Variants in TMEM95 observed in about 807,000 individuals in gnomAD.
The protein encoded by TMEM95 is transmembrane protein 95.
In TMEM95, 21 loss-of-function variants were observed where a neutral mutation model predicts 27.7. The ratio of observed to expected loss-of-function variants is 0.76; its 90% CI spans 0.54 to 1.09. The LOEUF (loss-of-function observed/expected upper bound fraction) is 1.09. Among genes scored for constraint, TMEM95 ranks in the 50% least tolerant of loss-of-function variants. TMEM95 has a pLI of 0.00. For synonymous variants in TMEM95, 77 were observed against 85.7 expected (o/e 0.90, Z 0.56); for missense variants, 203 against 217.9 (o/e 0.93, Z 0.43).
In TMEM95 at chr17:7,355,886, G is replaced by C. The variant is rs79041177; in HGVS notation, c.275G>C (p.Arg92Pro). ...SSLPSYWSWL[R>P]KTKLPEYTRE... ...CTCCCTTCATATTGGAGTTGGCTTC[G>C]AAAGACCAAGCTCCCTGAGTACACC... Residue 92 changes from arginine to proline, a missense_variant, in exon 3 of 7, where the codon CGA becomes CCA. Arg to Pro is a moderately radical substitution (Grantham distance 103). Transcript: ENST00000576060. This position sits in a 1 kb window ranked among gnomAD's most constrained non-coding sequence, Gnocchi z 4.9. 3,561 of 1,613,996 alleles carry C rather than the reference G, an allele frequency of 2.2e-3. 9 individuals carry two copies. The highest frequency in any genetic ancestry group is 2.7e-3 in the Non-Finnish European group (3,195 of 1,179,974).
rs779976704 is a variant in TMEM95, at chr17:7,356,252, T to C, written c.385T>C (p.Trp129Arg). 1.3e-6 allele frequency: 2 copies of C among 1,572,166 alleles called. No homozygotes were observed. Among genetic ancestry groups the C allele is most frequent in the Admixed American group, 3.6e-5 (2 of 56,006 alleles). Residue 129 changes from tryptophan (W) to arginine (R), a missense_variant, in exon 5 of 7, where the codon TGG becomes CGG. Physicochemically the swap from Trp to Arg is moderately radical, Grantham distance 101 (BLOSUM62 -3). Coordinates refer to ENST00000576060, the MANE Select transcript of TMEM95 (RefSeq NM_001320436.2). Reference protein sequence around the residue: ...STCKGTEVSCWPRKRCFPGSQ... With the variant: ...STCKGTEVSCRPRKRCFPGSQ... ...CTGCAAGGGGACGGAGGTGTCCTGC[T>C]GGCCCCGAAAGCGCTGCTTCCCAGG...
chr17:7,355,425 C>T lies in TMEM95; in HGVS notation c.169+52C>T. 1 of 1,580,962 alleles carries T rather than the reference C, an allele frequency of 6.3e-7. No individual in the cohort carries two copies. Among genetic ancestry groups the T allele is most frequent in the Non-Finnish European group, 8.6e-7 (1 of 1,160,504 alleles). The stretch of plus-strand genomic sequence containing the variant: ...CCAGCAAGCACTCACCCCCCTACCC[C>T]CAGAGGGTGGCATGTGACCTTCCAG... On this transcript the variant is annotated intron_variant, in intron 1 of 6. Coordinates refer to ENST00000576060, the MANE Select transcript of TMEM95 (RefSeq NM_001320436.2). The surrounding 1 kb of genome is among the most constrained non-coding windows in gnomAD (Gnocchi z 4.9).
rs372855516 is a variant in TMEM95, at chr17:7,356,293, T to C, written c.409+17T>C. 1,803 of 1,590,096 alleles carry C rather than the reference T, an allele frequency of 1.1e-3. 15 individuals are homozygous for C. Among genetic ancestry groups the C allele is most frequent in the South Asian group, 0.01 (894 of 88,718 alleles). On this transcript the variant is annotated intron_variant, in intron 5 of 6. Coordinates refer to ENST00000576060, the MANE Select transcript of TMEM95 (RefSeq NM_001320436.2). The stretch of plus-strand genomic sequence containing the variant: ...GCTTCCCAGGTCCTCACGCCCATCT[T>C]GGCCCCGCCCCACCTTGCCCAGATC...
In TMEM95 at chr17:7,355,292, C is replaced by T. The variant is rs575727765; in HGVS notation, c.88C>T (p.Arg30Cys). The change falls in exon 1 of 7, where the codon CGC becomes TGC. Residue 30 changes from arginine to cysteine, a missense_variant. Physicochemically the swap from Arg to Cys is radical, Grantham distance 180. Transcript: ENST00000576060. This position sits in a 1 kb window ranked among gnomAD's most constrained non-coding sequence, Gnocchi z 4.9. ...CCTCCCAGCCCACGACTTGTCAGGC[C>T]GCCTGGCTCGGCTCTGCAGCCAGAT... Reference protein sequence around the residue: ...CRLPAHDLSGRLARLCSQMEA... With the variant: ...CRLPAHDLSGCLARLCSQMEA... 210 of 1,614,070 alleles carry T rather than the reference C, an allele frequency of 1.3e-4. 1 individual carries two copies. Among genetic ancestry groups the T allele is most frequent in the South Asian group, 7.5e-4 (68 of 91,090 alleles).
chr17:7,355,796 C>T lies in TMEM95; in HGVS notation c.227-42C>T, dbSNP rs781489382. The T allele has an allele frequency of 1.7e-5, 28 of 1,600,610 alleles. No homozygotes were observed. The highest frequency in any genetic ancestry group is 1.7e-4 in the Middle Eastern group (1 of 5,900). ...GCGTGAAGAGAGGGGGAACTGGCCC[C>T]GTCGAGGCCCAGGGAAACGGAGCTG... is the stretch of plus-strand genomic sequence containing the variant. On this transcript the variant is annotated intron_variant, in intron 2 of 6. Coordinates refer to ENST00000576060, the MANE Select transcript of TMEM95 (RefSeq NM_001320436.2). The surrounding 1 kb of genome is among the most constrained non-coding windows in gnomAD (Gnocchi z 4.9).
chr17:7,355,871 A>G lies in TMEM95; in HGVS notation c.260A>G (p.Tyr87Cys), dbSNP rs1175881302. ...GAGGCTGTCTCCTCACTCCCTTCAT[A>G]TTGGAGTTGGCTTCGAAAGACCAAG... ...IKEAVSSLPS[Y>C]WSWLRKTKLP... The change falls in exon 3 of 7, where the codon TAT becomes TGT. Residue 87 changes from tyrosine (Y) to cysteine (C), a missense_variant. By Grantham distance (194) the Tyr-to-Cys change is radical. Coordinates refer to ENST00000576060, the MANE Select transcript of TMEM95 (RefSeq NM_001320436.2). This position sits in a 1 kb window ranked among gnomAD's most constrained non-coding sequence, Gnocchi z 4.9. 2.5e-6 allele frequency: 4 copies of G among 1,613,884 alleles called. No individual in the cohort carries two copies. Among genetic ancestry groups the G allele is most frequent in the East Asian group, 4.5e-5 (2 of 44,856 alleles).
At position 7,356,618 on chromosome 17, in the gene TMEM95, A is replaced by G; in HGVS notation, c.517A>G (p.Lys173Glu). Residue 173 changes from lysine to glutamate, a missense_variant, in exon 7 of 7, where the codon AAA becomes GAA. Transcript: ENST00000576060. The part of the protein sequence containing the change: ...LLVESHHLQA[K>E]SGL ...CCTCAGGTCCCACCACCTCCAAGCA[A>G]AAAGTGGCTTGTGAAGACGCTGAAA... The G allele has an allele frequency of 3.7e-6, 6 of 1,612,086 alleles. No homozygotes were observed. The highest frequency in any genetic ancestry group is 5.1e-6 in the Non-Finnish European group (6 of 1,179,034).
chr17:7,356,661 T>G lies in TMEM95; in HGVS notation c.*29T>G, dbSNP rs1219064968. On this transcript the variant is annotated 3_prime_UTR_variant, in exon 7 of 7. Coordinates refer to ENST00000576060, the MANE Select transcript of TMEM95 (RefSeq NM_001320436.2). ...CGCTGAAAACCTCCCAGCCTCCAGC[T>G]CTAAGGGGTATGCACTCACAACTTC... The G allele has an allele frequency of 6.2e-7, 1 of 1,611,556 alleles. No individual in the cohort carries two copies. The highest frequency in any genetic ancestry group is 1.1e-5 in the South Asian group (1 of 90,896).
At chr17:7,356,118 T>C in intron 4 of TMEM95, 69 bp downstream of exon 4, 1 of 1,610,272 alleles carries the variant, frequency 6.2e-7, no homozygotes, top group Non-Finnish European at 8.5e-7. Flanking sequence ...GCCTGGCAGC[T>C]GCAGGAGGAA....
At position 7,355,434 on chromosome 17, in the gene TMEM95, G is replaced by A; in HGVS notation, c.169+61G>A. ...ACTCACCCCCCTACCCCCAGAGGGT[G>A]GCATGTGACCTTCCAGCTGTGCCCT... On this transcript the variant is annotated intron_variant, in intron 1 of 6. Coordinates refer to ENST00000576060, the MANE Select transcript of TMEM95 (RefSeq NM_001320436.2). This position sits in a 1 kb window ranked among gnomAD's most constrained non-coding sequence, Gnocchi z 4.9. 6.3e-7 allele frequency: 1 copy of A among 1,576,846 alleles called. No individual in the cohort carries two copies. Among genetic ancestry groups the A allele is most frequent in the Non-Finnish European group, 8.6e-7 (1 of 1,159,248 alleles).
Position 7,355,170 on chromosome 17 carries a change from C to A in TMEM95, c.-35C>A. On this transcript the variant is annotated 5_prime_UTR_variant, in exon 1 of 7. In the 5' UTR this introduces an upstream ATG that the reference lacks. Coordinates refer to ENST00000576060, the MANE Select transcript of TMEM95 (RefSeq NM_001320436.2). The surrounding 1 kb of genome is among the most constrained non-coding windows in gnomAD (Gnocchi z 4.9). ...GGCTGCAGAGCATTCCTCGGCTCAG[C>A]TGGGGCAGCGCCGCCCCATCCCCCA... 1.3e-6 allele frequency: 2 copies of A among 1,597,394 alleles called. No individual in the cohort carries two copies. Among genetic ancestry groups the A allele is most frequent in the Non-Finnish European group, 8.5e-7 (1 of 1,173,154 alleles).
chr17:7,356,515 C>T, intron 6 of TMEM95, 36 bp downstream of exon 6: 2 of 1,612,306 alleles, frequency 1.2e-6, no homozygotes, highest in South Asian at 2.2e-5. Context: ...TCCTACCCCG[C>T]CCAGTGCCTT....
In TMEM95 at chr17:7,355,681, G is replaced by A; in HGVS notation, c.226+39G>A. 6.5e-7 allele frequency: 1 copy of A among 1,530,332 alleles called. No individual in the cohort carries two copies. Among genetic ancestry groups the A allele is most frequent in the Non-Finnish European group, 8.9e-7 (1 of 1,118,766 alleles). 94.8% of individuals were successfully genotyped at this position (1,530,332 alleles called of 1,614,324 possible). On this transcript the variant is annotated intron_variant, in intron 2 of 6. Coordinates refer to ENST00000576060, the MANE Select transcript of TMEM95 (RefSeq NM_001320436.2). This position sits in a 1 kb window ranked among gnomAD's most constrained non-coding sequence, Gnocchi z 4.9. Reference sequence around the variant, plus strand: ...GAAAGAGTGACCTAGGGGCTTGGGAGGATACCAAGGAGAGGGACGGGTGAC... The same window carrying A: ...GAAAGAGTGACCTAGGGGCTTGGGAAGATACCAAGGAGAGGGACGGGTGAC...
chr17:7,355,219 A>C lies in TMEM95; in HGVS notation c.15A>C (p.Ala5=). ...CAGTGGTCCTCATGTGGAGGCTGGC[A>C]CTAGGCGGGGTTTTCCTGGCAGCCG... is the stretch of plus-strand genomic sequence containing the variant. MWRL[A]LGGVFLAAAQ... Residue 5 remains alanine (A), a synonymous_variant, in exon 1 of 7, where the codon GCA becomes GCC. Transcript: ENST00000576060. This position sits in a 1 kb window ranked among gnomAD's most constrained non-coding sequence, Gnocchi z 4.9. 6.2e-7 allele frequency: 1 copy of C among 1,613,282 alleles called. No homozygotes were observed. Among genetic ancestry groups the C allele is most frequent in the Non-Finnish European group, 8.5e-7 (1 of 1,179,744 alleles).
At position 7,356,611 on chromosome 17, in the gene TMEM95, C is replaced by G. The variant is rs767273859; in HGVS notation, c.510C>G (p.Leu170=). 6.2e-7 allele frequency: 1 copy of G among 1,611,178 alleles called. No individual in the cohort carries two copies. The highest frequency in any genetic ancestry group is 1.7e-5 in the Admixed American group (1 of 59,494). Residue 170 remains leucine, a synonymous_variant, in exon 7 of 7, where the codon CTC becomes CTG. Coordinates refer to ENST00000576060, the MANE Select transcript of TMEM95 (RefSeq NM_001320436.2). ...CGTCTTCCCTCAGGTCCCACCACCT[C>G]CAAGCAAAAAGTGGCTTGTGAAGAC... ...VLSLLVESHH[L]QAKSGL is the part of the protein sequence containing the mutation.
At position 7,355,814 on chromosome 17, in the gene TMEM95, C is replaced by T. The variant is rs201234674; in HGVS notation, c.227-24C>T. The T allele has an allele frequency of 1.7e-4, 274 of 1,611,974 alleles. No homozygotes were observed. The highest frequency in any genetic ancestry group is 1.9e-4 in the Non-Finnish European group (228 of 1,178,508). On this transcript the variant is annotated intron_variant, in intron 2 of 6. Transcript: ENST00000576060. The surrounding 1 kb of genome is among the most constrained non-coding windows in gnomAD (Gnocchi z 4.9). ...CTGGCCCCGTCGAGGCCCAGGGAAA[C>T]GGAGCTGCTGTCTGCCTCCCCAGAA...
Position 7,355,654 on chromosome 17 carries a change from G to T in TMEM95, c.226+12G>T. The T allele has an allele frequency of 6.4e-7, 1 of 1,563,462 alleles. No individual in the cohort carries two copies. Among genetic ancestry groups the T allele is most frequent in the Non-Finnish European group, 8.7e-7 (1 of 1,152,478 alleles). ...CCTGAGGGTCATGGGTGAGGTCAAG[G>T]GGAAAGAGTGACCTAGGGGCTTGGG... is the stretch of plus-strand genomic sequence containing the variant. On this transcript the variant is annotated intron_variant, in intron 2 of 6. Coordinates refer to ENST00000576060, the MANE Select transcript of TMEM95 (RefSeq NM_001320436.2). This position sits in a 1 kb window ranked among gnomAD's most constrained non-coding sequence, Gnocchi z 4.9.
chr17:7,356,346 G>A (rs199670406), intron 5 of TMEM95, 46 bp from the exon 6 acceptor site: 4 of 1,609,340 alleles, frequency 2.5e-6, no homozygotes, highest in Admixed American at 1.7e-5. Context: ...CCAAGTCGGT[G>A]CGTGTGGGTC....
chr17:7,356,606 C>A lies in TMEM95; in HGVS notation c.505C>A (p.His169Asn), dbSNP rs1309812122. 1.2e-6 allele frequency: 2 copies of A among 1,611,450 alleles called. No homozygotes were observed. Among genetic ancestry groups the A allele is most frequent in the Admixed American group, 3.4e-5 (2 of 59,696 alleles). The change falls in exon 7 of 7, where the codon CAC becomes AAC. Residue 169 changes from histidine (H) to asparagine (N), a missense_variant. His to Asn is a moderately conservative substitution (Grantham distance 68, BLOSUM62 1). Transcript: ENST00000576060. Reference sequence around the variant, plus strand: ...ACCCTCGTCTTCCCTCAGGTCCCACCACCTCCAAGCAAAAAGTGGCTTGTG... The same window carrying A: ...ACCCTCGTCTTCCCTCAGGTCCCACAACCTCCAAGCAAAAAGTGGCTTGTG... ...GVLSLLVESH[H>N]LQAKSGL
Sources: gnomAD v4.1 joint callset for allele counts on GRCh38, gnomAD v4.1.1 for gene constraint, Gnocchi (gnomAD v3.1) non-coding constraint, MANE v1.5 for transcripts, NCBI Gene and HGNC (gene_info 2026-07-23, HGNC 2026-07-21) for gene names.